The following SUPT3H variants were observed in gnomAD, a reference collection of about 807,000 sequenced individuals.
SUPT3H encodes the protein SPT3 homolog, SAGA and STAGA complex component.
Under a neutral mutation model 44.3 loss-of-function variants are expected in SUPT3H, and 44 were observed. That is an observed-to-expected ratio of 0.99 (90% CI 0.78 to 1.28). The LOEUF is 1.28. Among genes scored for constraint, SUPT3H ranks in the 50% most tolerant of loss-of-function variants. The pLI, the probability that SUPT3H is intolerant of heterozygous loss-of-function variation, is 0.00. For missense variants in SUPT3H, 380 were observed against 387.1 expected (o/e 0.98, Z 0.15); for synonymous variants, 124 against 125.6 (o/e 0.99, Z 0.09).
At chr6:45,150,719 C>CAT in intron 2 of SUPT3H, among the ~76,000 whole-genome samples, 1 of 92,372 alleles carries the variant, frequency 1.1e-5, no homozygotes, top group Non-Finnish European at 2.0e-5. Context: ...CTTTATTCTG[C>CAT]GTTTTTTTTT....
intron 3 of SUPT3H, among the ~76,000 whole-genome samples, chr6:45,057,587 G>A (rs758989056): frequency 1.3e-5 from 2 of 152,164 alleles, no homozygotes; most frequent in Non-Finnish European, 2.9e-5. Flanking sequence ...AGGACTCAGA[G>A]TTGAGAGGAT....
chr6:45,112,022 C>T (rs553007293), intron 2 of SUPT3H, among the ~76,000 whole-genome samples: 1 of 152,186 alleles, frequency 6.6e-6, no homozygotes, highest in South Asian at 2.1e-4. Flanking sequence ...TCCCACTATG[C>T]TATTAAGAAG....
chr6:44,991,869 A>G (rs1780664580), intron 6 of SUPT3H, among the ~76,000 whole-genome samples: 1 of 152,182 alleles, frequency 6.6e-6, no homozygotes, highest in Middle Eastern at 3.2e-3. Context: ...CTTGCCAGAG[A>G]ATACACTTGT....
intron 10 of SUPT3H, among the ~76,000 whole-genome samples, chr6:44,839,757 A>C (rs1290252923): frequency 2.7e-5 from 4 of 150,930 alleles, no homozygotes; most frequent in Non-Finnish European, 4.4e-5. Flanking sequence ...GCTGGAGTGC[A>C]GTGGCGCCAT....
chr6:44,882,392 A>G (rs1778391686), intron 10 of SUPT3H, among the ~76,000 whole-genome samples: 1 of 152,224 alleles, frequency 6.6e-6, no homozygotes, highest in South Asian at 2.1e-4. Context: ...GGCAGTAATT[A>G]ATAGCCTACC....
chr6:45,223,487 A>G (rs972794746), intron 2 of SUPT3H, among the ~76,000 whole-genome samples: 2 of 152,056 alleles, frequency 1.3e-5, no homozygotes, highest in South Asian at 2.1e-4. Flanking sequence ...AGAAATTCCA[A>G]TCTAAAATTT....
intron 2 of SUPT3H, among the ~76,000 whole-genome samples, chr6:45,270,458 A>T (rs1249623427): frequency 6.6e-6 from 1 of 151,962 alleles, no homozygotes; most frequent in East Asian, 1.9e-4. Flanking sequence ...GTCTCACGAG[A>T]TCTGACGGTT....
chr6:44,968,951 G>A (rs1777166254), intron 6 of SUPT3H, among the ~76,000 whole-genome samples: 1 of 152,064 alleles, frequency 6.6e-6, no homozygotes, highest in African/African-American at 2.4e-5. Flanking sequence ...TTTGTCATAT[G>A]TGCCATGTAC....
intron 2 of SUPT3H, among the ~76,000 whole-genome samples, chr6:45,175,385 T>A (rs1310938703): frequency 6.6e-6 from 1 of 152,086 alleles, no homozygotes; most frequent in East Asian, 1.9e-4. Flanking sequence ...AGGCACTTTC[T>A]TCACAAGACA....
intron 9 of SUPT3H, among the ~76,000 whole-genome samples, 199 bp downstream of exon 9, chr6:44,953,111 C>A (rs902793850): frequency 6.6e-6 from 1 of 152,142 alleles, no homozygotes; most frequent in Admixed American, 6.5e-5. Context: ...TGAAAAAAGT[C>A]ATTGTCTTAA....
chr6:44,813,589 A>AC (rs397767876), intron 11 of SUPT3H, among the ~76,000 whole-genome samples: 4 of 151,384 alleles, frequency 2.6e-5, no homozygotes, highest in African/African-American at 7.3e-5. Flanking sequence ...AAAAAAAAAA[A>AC]CAGACAACAG....
chr6:45,241,956 G>A (rs1421571557), intron 2 of SUPT3H, among the ~76,000 whole-genome samples: 1 of 152,084 alleles, frequency 6.6e-6, no homozygotes, highest in Non-Finnish European at 1.5e-5. Flanking sequence ...TACACAAAGT[G>A]GTTATGTTTT....
chr6:44,843,613 A>T (rs1296215721), intron 10 of SUPT3H, among the ~76,000 whole-genome samples: 3 of 152,278 alleles, frequency 2.0e-5, no homozygotes, highest in African/African-American at 7.2e-5. Context: ...AGAAGAAAAA[A>T]TTAAGAAATT....
chr6:45,244,944 A>T (rs1357121286), intron 2 of SUPT3H, among the ~76,000 whole-genome samples: 3 of 152,174 alleles, frequency 2.0e-5, no homozygotes, highest in Non-Finnish European at 4.4e-5. Context: ...TTGACATAAT[A>T]AATACAACCA....
chr6:45,018,314 T>A (rs1167617526), intron 4 of SUPT3H, among the ~76,000 whole-genome samples: 6 of 152,146 alleles, frequency 3.9e-5, no homozygotes, highest in Admixed American at 1.3e-4. Flanking sequence ...TGACTTCCTC[T>A]TTTCCTAATT....
chr6:44,833,229 T>C (rs2153411738), intron 10 of SUPT3H, among the ~76,000 whole-genome samples: 2 of 152,258 alleles, frequency 1.3e-5, no homozygotes, highest in Middle Eastern at 6.8e-3. Context: ...TCCCAAACTC[T>C]CCTACAAATA....
chr6:45,334,304 T>C (rs1157694814), intron 2 of SUPT3H, among the ~76,000 whole-genome samples: 5 of 151,138 alleles, frequency 3.3e-5, no homozygotes, highest in Non-Finnish European at 7.4e-5. Flanking sequence ...TATAAACATA[T>C]ATTTACATAA....
chr6:44,962,076 C>G (rs891500666), intron 6 of SUPT3H, among the ~76,000 whole-genome samples: 1 of 152,056 alleles, frequency 6.6e-6, no homozygotes, highest in Non-Finnish European at 1.5e-5. Context: ...ACTAAAGGAC[C>G]TCACGTCTAA....
intron 2 of SUPT3H, among the ~76,000 whole-genome samples, chr6:45,218,216 T>C (rs1164783752): frequency 6.6e-6 from 1 of 152,074 alleles, no homozygotes; most frequent in Admixed American, 6.5e-5. Flanking sequence ...TAATATCAGA[T>C]AAGGTGAATT....
Sources: allele counts gnomAD v4.1 joint callset (sites outside exome capture counted in the v4.1 genomes callset), GRCh38; gene constraint gnomAD v4.1.1; transcripts MANE v1.5; gene names NCBI Gene and HGNC (gene_info 2026-07-23, HGNC 2026-07-21).